FCN2: variants seen among roughly 807,000 people sequenced by gnomAD.
FCN2 encodes the protein ficolin-2.
FCN2 carries 31 observed loss-of-function variants against 32.5 expected under a neutral mutation model. The observed-to-expected ratio is 0.96, with a 90% CI of 0.72 to 1.29. The LOEUF is 1.29. Among genes scored for constraint, FCN2 ranks in the 50% most tolerant of loss-of-function variants. The pLI is 0.00. For synonymous variants in FCN2, 181 were observed against 164.5 expected (o/e 1.10, Z -0.77); for missense variants, 412 against 406.5 (o/e 1.01, Z -0.12).
At chr9:134,882,129 T>C (rs539665886) in intron 1 of FCN2, among the ~76,000 whole-genome samples, 1 of 152,344 alleles carries the variant, frequency 6.6e-6, no homozygotes, top group East Asian at 1.9e-4. Context: ...ATTAGGATGC[T>C]GTCTTAAATG....
Position 134,887,205 on chromosome 9 carries a change from C to T in FCN2, c.732C>T (p.Ser244=). The change falls in exon 8 of 8, where the codon TCC becomes TCT. Residue 244 remains serine (S), a synonymous_variant. Transcript: ENST00000291744. The stretch of plus-strand genomic sequence containing the variant: ...CGTTCCACAACAACCAGTCCTTCTC[C>T]ACCAAAGACCAGGACAATGATCTTA... ...SLTFHNNQSF[S]TKDQDNDLNT... The T allele has an allele frequency of 6.2e-7, 1 of 1,614,116 alleles. No individual in the cohort carries two copies. The highest frequency in any genetic ancestry group is 8.5e-7 in the Non-Finnish European group (1 of 1,179,944).
At chr9:134,876,798 G>C (rs114083384), upstream of FCN2, among the ~76,000 whole-genome samples, 1 of 152,112 alleles carries the variant, frequency 6.6e-6, no homozygotes, top group Non-Finnish European at 1.5e-5. Context: ...GGCTGGTCTC[G>C]AACTGACTTC....
rs189950922 is a variant in FCN2, at chr9:134,885,505, G to T, written c.429+139G>T. ...GAGATGATGGGGGAGATGACCGGTG[G>T]GTAAAAGTCCAGGCCTTTGGGGGAG... On this transcript the variant is annotated intron_variant, in intron 5 of 7. Transcript: ENST00000291744. 2.7e-5 allele frequency: 39 copies of T among 1,436,118 alleles called. 1 individual carries two copies. In the African/African-American group the frequency reaches 4.9e-4, roughly 18 times the overall value. 89.0% of individuals were successfully genotyped at this position (1,436,118 alleles called of 1,614,324 possible).
upstream of FCN2, among the ~76,000 whole-genome samples, chr9:134,880,414 G>C (rs567842945): frequency 6.6e-6 from 1 of 152,324 alleles, no homozygotes; most frequent in African/African-American, 2.4e-5. Flanking sequence ...GACCAGCCCT[G>C]GCCATGAGGA....
upstream of FCN2, among the ~76,000 whole-genome samples, chr9:134,879,477 CT>C (rs1830634129): frequency 1.3e-5 from 2 of 152,138 alleles, no homozygotes; most frequent in Non-Finnish European, 2.9e-5. Flanking sequence ...CACTGGGCAG[CT>C]CTGGGGACCT....
rs141051476 is a variant in FCN2 at position 134,885,347 on chromosome 9, C to T, written c.410C>T (p.Thr137Met). Residue 137 changes from threonine (T) to methionine (M), a missense_variant, in exon 5 of 8, where the codon ACG becomes ATG. Coordinates refer to ENST00000291744, the MANE Select transcript of FCN2 (RefSeq NM_004108.3). ...CTGACTGTGCTCTGTGACATGGACA[C>T]GGACGGAGGGGGCTGGACCGTGAGT... ...RPLTVLCDMD[T>M]DGGGWTVFQR... 576 of 1,613,872 alleles carry T rather than the reference C, an allele frequency of 3.6e-4. 2 individuals are homozygous for T. In the African/African-American group the frequency reaches 5.7e-3, roughly 16 times the overall value.
Position 134,885,875 on chromosome 9 carries a change from C to T in FCN2, c.537C>T (p.Asn179=), listed in dbSNP as rs142245489. ...GGGAGTTCTGGCTGGGGAATGACAACATCCACGCCCTGACCGCCCAGGGTA... is the reference window on the plus strand; with the variant it reads ...GGGAGTTCTGGCTGGGGAATGACAATATCCACGCCCTGACCGCCCAGGGTA... ...RLGEFWLGND[N]IHALTAQGTS... is the part of the protein sequence containing the mutation. The change falls in exon 6 of 8, where the codon AAC becomes AAT. Residue 179 remains asparagine (N), a synonymous_variant. Transcript: ENST00000291744. 1.2e-6 allele frequency: 2 copies of T among 1,613,624 alleles called. No homozygotes were observed. The highest frequency in any genetic ancestry group is 1.3e-5 in the African/African-American group (1 of 75,012).
At chr9:134,865,401 G>A in the FCN2 span, among the ~76,000 whole-genome samples, 2 of 152,230 alleles carry the variant, frequency 1.3e-5, no homozygotes, top group Non-Finnish European at 2.9e-5. Context: ...TGGACCAGGG[G>A]CCAGGGTAAT....
Position 134,882,657 on chromosome 9 carries a change from T to G in FCN2, c.214+18T>G. Reference sequence around the variant, plus strand: ...AAAGAGAGGTAGGTGCAGGCATGGCTGGGGGCACTGGCTCTTGCTCTTTTT... The same window carrying G: ...AAAGAGAGGTAGGTGCAGGCATGGCGGGGGGCACTGGCTCTTGCTCTTTTT... On this transcript the variant is annotated intron_variant, in intron 2 of 7. Coordinates refer to ENST00000291744, the MANE Select transcript of FCN2 (RefSeq NM_004108.3). 6.5e-7 allele frequency: 1 copy of G among 1,526,834 alleles called. No individual in the cohort carries two copies. The highest frequency in any genetic ancestry group is 9.1e-7 in the Non-Finnish European group (1 of 1,101,124). 94.6% of individuals were successfully genotyped at this position (1,526,834 alleles called of 1,614,324 possible). A position where few individuals can be genotyped will look rare whatever the true frequency, so the allele number is the denominator to read the frequency against.
rs921679341 is a variant in FCN2 at position 134,887,457 on chromosome 9, G to A, written c.*42G>A. The A allele has an allele frequency of 1.2e-6, 2 of 1,600,204 alleles. No homozygotes were observed. The highest frequency in any genetic ancestry group is 1.7e-6 in the Non-Finnish European group (2 of 1,168,514). ...GGTCAGGACGCCTCCACACATAGTT[G>A]GTTGGGGGGTAGGGTTGGGAGCTTG... On this transcript the variant is annotated 3_prime_UTR_variant, in exon 8 of 8. Coordinates refer to ENST00000291744, the MANE Select transcript of FCN2 (RefSeq NM_004108.3).
At chr9:134,873,131 GTT>G in the FCN2 span, among the ~76,000 whole-genome samples, 271 of 148,990 alleles carry the variant, frequency 1.8e-3, 2 homozygotes, top group African/African-American at 6.2e-3. Flanking sequence ...TGGAGGGTTA[GTT>G]TTTTTTTTTA....
In FCN2 at chr9:134,882,441, G is replaced by A. The variant is rs4578023; in HGVS notation, c.101-85G>A. On this transcript the variant is annotated intron_variant, in intron 1 of 7. Coordinates refer to ENST00000291744, the MANE Select transcript of FCN2 (RefSeq NM_004108.3). ...TCCTGATGTCACCAAGATGGCAGATGCCTTTCAGTTGAGTGGTATATCTAT... is the reference window on the plus strand; with the variant it reads ...TCCTGATGTCACCAAGATGGCAGATACCTTTCAGTTGAGTGGTATATCTAT... The A allele has an allele frequency of 7.2e-3, 7,870 of 1,089,930 alleles. 374 individuals carry two copies. The African/African-American group carries it at 0.11, about 15-fold the overall frequency. The allele number at this position is 1,089,930 out of a possible 1,614,324, so 67.5% of individuals were successfully genotyped here. A position where few individuals can be genotyped will look rare whatever the true frequency, so the allele number is the denominator to read the frequency against.
rs202023314 is a variant in FCN2 at position 134,886,416 on chromosome 9, C to G, written c.560-14C>G. 36 of 1,614,168 alleles carry G rather than the reference C, an allele frequency of 2.2e-5. No individual in the cohort carries two copies. The East Asian group carries it at 2.7e-4, about 12-fold the overall frequency. ...GAGCCCTTCCGCTGAGACCCTGAAA[C>G]CTTTCTCTAACAGGAACCAGCGAGC... On this transcript the variant is annotated splice_polypyrimidine_tract_variant and intron_variant, in intron 6 of 7. Coordinates refer to ENST00000291744, the MANE Select transcript of FCN2 (RefSeq NM_004108.3).
upstream of FCN2, among the ~76,000 whole-genome samples, chr9:134,880,068 GGGGTTCCCTGGGCCCTAGGAGT>G (rs1305871196): frequency 6.6e-6 from 1 of 152,080 alleles, no homozygotes; most frequent in Non-Finnish European, 1.5e-5. Flanking sequence ...CAGGGCTCAG[GGGGTTCCCTGGGCCCTAGGAGT>G]GAAATTCACC....
chr9:134,885,922 G>A (rs1436246737), intron 6 of FCN2, 25 bp downstream of exon 6: 3 of 1,596,266 alleles, frequency 1.9e-6, no homozygotes, highest in Non-Finnish European at 1.7e-6. Context: ...GGGGCTTGGG[G>A]GTCGGGGGCC....
chr9:134,880,966 A>G (rs756000228), intron 1 of FCN2, 45 bp downstream of exon 1: 2 of 1,432,166 alleles, frequency 1.4e-6, no homozygotes, highest in African/African-American at 2.8e-5. Context: ...CTCGTCCCTG[A>G]AAGCTGGCAG....
chr9:134,873,075 C>T, the FCN2 span, among the ~76,000 whole-genome samples: 1 of 151,658 alleles, frequency 6.6e-6, no homozygotes, highest in Admixed American at 6.6e-5. Flanking sequence ...CGCACATCTT[C>T]TTCAGTGAAG....
chr9:134,883,314 C>G lies in FCN2; in HGVS notation c.227C>G (p.Pro76Arg). Reference protein sequence around the residue: ...GTNGKRGERGPPGPPGKAGPP... With the variant: ...GTNGKRGERGRPGPPGKAGPP... ...TTGGAAATTGCAGGAGAACGTGGCC[C>G]CCCTGGACCTCCTGGGAAGGCAGGA... Residue 76 changes from proline (P) to arginine (R), a missense_variant, in exon 3 of 8, where the codon CCC (proline) becomes CGC (arginine). Transcript: ENST00000291744. 6.2e-7 allele frequency: 1 copy of G among 1,613,528 alleles called. No individual in the cohort carries two copies. The highest frequency in any genetic ancestry group is 8.5e-7 in the Non-Finnish European group (1 of 1,179,520).
chr9:134,865,844 A>G, the FCN2 span, among the ~76,000 whole-genome samples: 1 of 152,160 alleles, frequency 6.6e-6, no homozygotes. Flanking sequence ...TACACCAACA[A>G]CAGACAAACA....
Sources: gnomAD v4.1 joint callset for allele counts (sites outside exome capture counted in the v4.1 genomes callset) on GRCh38, gnomAD v4.1.1 for gene constraint, MANE v1.5 for transcripts, NCBI Gene and HGNC (gene_info 2026-07-23, HGNC 2026-07-21) for gene names.